PCDHA2: variants seen among roughly 807,000 people sequenced by gnomAD.
PCDHA2 encodes the protein protocadherin alpha 2.
Under a neutral mutation model 66.0 loss-of-function variants are expected in PCDHA2, and 58 were observed. That is an observed-to-expected ratio of 0.88 (90% CI 0.71 to 1.09). The LOEUF is 1.09. Among genes scored for constraint, PCDHA2 ranks in the 50% least tolerant of loss-of-function variants. The probability of loss-of-function intolerance (pLI) is 0.00; values close to 1 mark genes in which losing one functional copy is unlikely to be tolerated. For missense variants in PCDHA2, 1,267 were observed against 1,242.3 expected, an observed-to-expected ratio of 1.02 and a Z score of -0.30; for synonymous variants, 634 against 554.0, an observed-to-expected ratio of 1.14 and a Z score of -2.03.
chr5:140,875,290 A>T (rs1321351883), intron 1 of PCDHA2: 20 of 1,396,906 alleles, frequency 1.4e-5, no homozygotes, highest in East Asian at 7.6e-5. Context: ...AAACAGGAAA[A>T]TTTTTTTCTC....
chr5:140,836,375 C>G lies in PCDHA2; in HGVS notation c.2388+39023C>G, dbSNP rs2150258961. 15 of 1,613,594 alleles carry G rather than the reference C, an allele frequency of 9.3e-6. No individual in the cohort carries two copies. In the African/African-American group the frequency reaches 1.2e-4, roughly 13 times the overall value. Reference sequence around the variant, plus strand: ...AGCCCTCGCTGACAGCCACAGCCACCGTGCTGGTGTCGCTGGTGGAAAGCG... The same window carrying G: ...AGCCCTCGCTGACAGCCACAGCCACGGTGCTGGTGTCGCTGGTGGAAAGCG... On this transcript the variant is annotated intron_variant, in intron 1 of 3. Coordinates refer to ENST00000526136, the MANE Select transcript of PCDHA2 (RefSeq NM_018905.3).
chr5:140,870,317 C>T (rs782216904), intron 1 of PCDHA2: 9 of 1,614,198 alleles, frequency 5.6e-6, no homozygotes, highest in South Asian at 2.2e-5. Flanking sequence ...AATTACTACT[C>T]GTTGGTGCTG....
rs147047116 is a variant in PCDHA2, at chr5:140,937,713, C to T, written c.2389-41236C>T. Among the ~76,000 whole-genome samples the T allele has an allele frequency of 7.0e-4, 107 of 151,998 alleles. No homozygotes were observed. The East Asian group carries it at 0.02, about 28-fold the overall frequency. On this transcript the variant is annotated intron_variant, in intron 1 of 3. Transcript: ENST00000526136. The stretch of plus-strand genomic sequence containing the variant: ...GGATCACGAGGTCAGGAGATCAAGA[C>T]CATCCTGGCTAACACGGTGAAACCC...
chr5:140,807,738 C>T (rs1764021976), intron 1 of PCDHA2: 1 of 1,614,082 alleles, frequency 6.2e-7, no homozygotes, highest in African/African-American at 1.3e-5. Flanking sequence ...GAAAAACCAC[C>T]TGATGACGAG....
rs376781836 is a variant in PCDHA2 at position 140,858,274 on chromosome 5, G to A, written c.2388+60922G>A. On this transcript the variant is annotated intron_variant, in intron 1 of 3. Coordinates refer to ENST00000526136, the MANE Select transcript of PCDHA2 (RefSeq NM_018905.3). ...AGCCCACGCTGGTGTGCTCTAGCGCGGTGGGGAGCTGGTCTTACTCGCAGC... is the reference window on the plus strand; with the variant it reads ...AGCCCACGCTGGTGTGCTCTAGCGCAGTGGGGAGCTGGTCTTACTCGCAGC... The A allele has an allele frequency of 1.3e-5, 21 of 1,597,416 alleles. 1 individual carries two copies. The African/African-American group carries it at 2.6e-4, about 19-fold the overall frequency.
At chr5:140,999,398 A>G (rs17119351) in intron 3 of PCDHA2, among the ~76,000 whole-genome samples, 13,435 of 152,202 alleles carry the variant, frequency 0.088, 686 homozygotes, top group African/African-American at 0.14. Flanking sequence ...TTTGTTTTGC[A>G]TATGAAAGAA....
At chr5:140,977,043 T>G (rs2096743110) in intron 1 of PCDHA2, among the ~76,000 whole-genome samples, 1 of 152,226 alleles carries the variant, frequency 6.6e-6, no homozygotes. Flanking sequence ...AGGATGTTGT[T>G]GCTGATGGAC....
At chr5:140,869,151 C>T in intron 1 of PCDHA2, 1 of 1,613,806 alleles carries the variant, frequency 6.2e-7, no homozygotes, top group South Asian at 1.1e-5. Context: ...GACTACAGCT[C>T]TGGCTTCTCC....
At position 140,892,381 on chromosome 5, in the gene PCDHA2, G is replaced by A. The variant is rs534818455; in HGVS notation, c.2389-86568G>A. Among the ~76,000 whole-genome samples the A allele has an allele frequency of 2.6e-5, 4 of 152,070 alleles. No individual in the cohort carries two copies. The South Asian group carries it at 8.3e-4, about 32-fold the overall frequency. On this transcript the variant is annotated intron_variant, in intron 1 of 3. Coordinates refer to ENST00000526136, the MANE Select transcript of PCDHA2 (RefSeq NM_018905.3). ...GCATCTTGGGGCACTAGCAATCATG[G>A]GTAATCTTAATCTATTTCAAGCTTC...
intron 1 of PCDHA2, chr5:140,853,856 G>T: frequency 1.0e-6 from 1 of 985,598 alleles, no homozygotes; most frequent in South Asian, 4.7e-5. Context: ...AGCCCTATTT[G>T]ATACTTGACA....
intron 1 of PCDHA2, among the ~76,000 whole-genome samples, chr5:140,898,000 T>G (rs1420296585): frequency 6.6e-5 from 10 of 152,348 alleles, no homozygotes; most frequent in African/African-American, 2.4e-4. Flanking sequence ...TTGAGAAGTG[T>G]CTGTTCATAT....
At chr5:140,825,684 A>AGT in intron 1 of PCDHA2, 1 of 152,240 alleles carries the variant, frequency 6.6e-6, no homozygotes, top group Non-Finnish European at 1.5e-5. Flanking sequence ...GGCCTCCCAA[A>AGT]GTGCTGGGAT....
At chr5:140,805,124 C>T (rs1554123277) in intron 1 of PCDHA2, 1 of 1,583,798 alleles carries the variant, frequency 6.3e-7, no homozygotes, top group East Asian at 2.2e-5. Context: ...AGACTCTTGG[C>T]AAAGACATTT....
intron 1 of PCDHA2, among the ~76,000 whole-genome samples, chr5:140,946,755 A>G (rs1554217843): frequency 3.3e-5 from 5 of 151,400 alleles, no homozygotes. Context: ...ATACTGCATG[A>G]TCTCATTCAT....
intron 1 of PCDHA2, among the ~76,000 whole-genome samples, chr5:140,945,731 A>G (rs1021363337): frequency 2.6e-5 from 4 of 152,144 alleles, no homozygotes; most frequent in Non-Finnish European, 4.4e-5. Flanking sequence ...TACAATGGAA[A>G]AAGGACAGCC....
intron 1 of PCDHA2, among the ~76,000 whole-genome samples, chr5:140,962,524 G>T (rs1410879766): frequency 6.6e-6 from 1 of 152,012 alleles, no homozygotes; most frequent in Non-Finnish European, 1.5e-5. Flanking sequence ...TAATATATTA[G>T]TTTTTTAGAA....
intron 1 of PCDHA2, chr5:140,850,066 A>G (rs1554143711): frequency 6.3e-7 from 1 of 1,596,292 alleles, no homozygotes; most frequent in African/African-American, 1.3e-5. Flanking sequence ...CAGCCGTTGG[A>G]CCACGAGGAG....
At chr5:140,828,658 T>C (rs2150157728) in intron 1 of PCDHA2, 11 of 1,613,998 alleles carry the variant, frequency 6.8e-6, no homozygotes, top group Non-Finnish European at 3.4e-6. Flanking sequence ...GTGATGACAA[T>C]AAACAAATTG....
intron 3 of PCDHA2, among the ~76,000 whole-genome samples, chr5:141,000,102 C>T (rs537991787): frequency 8.5e-5 from 13 of 152,172 alleles, no homozygotes; most frequent in East Asian, 5.8e-4. Context: ...AGCTCAACTC[C>T]GTCTCTTCCC....
Sources: gnomAD v4.1 joint callset for allele counts (sites outside exome capture counted in the v4.1 genomes callset) on GRCh38, gnomAD v4.1.1 for gene constraint, MANE v1.5 for transcripts, NCBI Gene and HGNC (gene_info 2026-07-23, HGNC 2026-07-21) for gene names.